Variants in SENP6 observed in about 807,000 individuals in gnomAD.
The protein encoded by SENP6 is SUMO specific peptidase 6, also known as sentrin-specific protease 6.
Under a neutral mutation model 134.5 loss-of-function variants are expected in SENP6, and 41 were observed. That is an observed-to-expected ratio of 0.30 (90% confidence interval 0.24 to 0.40). The LOEUF (loss-of-function observed/expected upper bound fraction) is 0.40, where lower values mean the gene tolerates loss of function less well. Ranked by LOEUF, SENP6 falls within the 10% of genes least tolerant of loss-of-function variation. SENP6 has a pLI of 1.00. For synonymous variants in SENP6, 395 were observed against 429.8 expected (o/e 0.92, Z 1.00); for missense variants, 1,248 against 1,312.5 (o/e 0.95, Z 0.76).
At chr6:75,620,578 T>G (rs1027211115) in intron 1 of SENP6, 2 of 152,216 alleles carry the variant, frequency 1.3e-5, no homozygotes, top group African/African-American at 4.8e-5. Context: ...GCCCCACCTC[T>G]TAATACCATC....
At position 75,711,370 on chromosome 6, in the gene SENP6, A is replaced by G. The variant is rs1234326811; in HGVS notation, c.2863A>G (p.Ser955Gly). ...DDGFLADDNC[S>G]SEIGQWHLKP... ...TGGATTCCTCGCTGATGACAACTGC[A>G]GTTCAGAAATAGGACAGTGGCATTT... is the stretch of plus-strand genomic sequence containing the variant. Residue 955 changes from serine to glycine, a missense_variant, in exon 21 of 24, where the codon AGT (serine) becomes GGT (glycine). This residue lies in a region of SENP6 where 386 missense variants were observed against 395.0 expected (regional missense o/e 0.98). Transcript: ENST00000447266. 1.9e-6 allele frequency: 3 copies of G among 1,613,524 alleles called. No homozygotes were observed. Among genetic ancestry groups the G allele is most frequent in the African/African-American group, 1.3e-5 (1 of 74,944 alleles).
intron 6 of SENP6, among the ~76,000 whole-genome samples, chr6:75,641,833 G>T (rs935788931): frequency 3.9e-5 from 6 of 151,916 alleles, no homozygotes; most frequent in Non-Finnish European, 7.4e-5. Context: ...AAAATAATTG[G>T]CCTGGAGTAG....
At chr6:75,687,771 T>A (rs1246406128) in intron 16 of SENP6, among the ~76,000 whole-genome samples, 1 of 152,162 alleles carries the variant, frequency 6.6e-6, no homozygotes, top group South Asian at 2.1e-4. Context: ...CTCTGGAAGC[T>A]TCGTCCCAGA....
At chr6:75,663,845 C>G (rs1771977105) in intron 9 of SENP6, among the ~76,000 whole-genome samples, 1 of 135,452 alleles carries the variant, frequency 7.4e-6, no homozygotes, top group African/African-American at 2.9e-5. Context: ...CCTAAAATAA[C>G]ATAAAGTATG....
At chr6:75,635,125 A>G in intron 5 of SENP6, 1 of 389,160 alleles carries the variant, frequency 2.6e-6, no homozygotes, top group Non-Finnish European at 4.9e-6. Context: ...TTCAGTTGGT[A>G]GTTTAGCTCT....
chr6:75,664,288 T>C (rs1034798370), intron 9 of SENP6, among the ~76,000 whole-genome samples: 2 of 151,884 alleles, frequency 1.3e-5, no homozygotes, highest in African/African-American at 4.8e-5. Flanking sequence ...ATAATAATTA[T>C]AAACAGAACA....
At chr6:75,662,398 G>A (rs529056069) in intron 8 of SENP6, among the ~76,000 whole-genome samples, 3 of 152,120 alleles carry the variant, frequency 2.0e-5, no homozygotes, top group South Asian at 4.2e-4. Flanking sequence ...GCCTCCCAAT[G>A]TGTTGGGCTT....
intron 8 of SENP6, among the ~76,000 whole-genome samples, chr6:75,662,746 G>C (rs1771884015): frequency 6.6e-6 from 1 of 152,084 alleles, no homozygotes; most frequent in African/African-American, 2.4e-5. Context: ...TTAATAGTAG[G>C]AATGTGTTTT....
intron 16 of SENP6, among the ~76,000 whole-genome samples, chr6:75,694,881 T>G (rs547292473): frequency 6.6e-6 from 1 of 152,178 alleles, no homozygotes; most frequent in South Asian, 2.1e-4. Context: ...TAATTTATTT[T>G]TATTTTCTTG....
At chr6:75,690,349 A>G (rs750992626) in intron 16 of SENP6, among the ~76,000 whole-genome samples, 1 of 152,248 alleles carries the variant, frequency 6.6e-6, no homozygotes, top group Non-Finnish European at 1.5e-5. Context: ...TGCAATATGT[A>G]TACATTTCCT....
intron 1 of SENP6, among the ~76,000 whole-genome samples, chr6:75,618,204 T>C (rs1480254337): frequency 2.0e-5 from 3 of 152,208 alleles, no homozygotes; most frequent in African/African-American, 7.2e-5. Flanking sequence ...GAAGGGAGTA[T>C]ATGCTTATAT....
intron 18 of SENP6, 117 bp downstream of exon 18, chr6:75,697,634 G>A (rs1037768360): frequency 2.9e-6 from 2 of 689,916 alleles, no homozygotes; most frequent in Non-Finnish European, 2.5e-6. Flanking sequence ...AATCTCTTGT[G>A]TATATTCATA....
intron 23 of SENP6, among the ~76,000 whole-genome samples, chr6:75,715,110 T>C (rs1436973846): frequency 6.6e-6 from 1 of 152,118 alleles, no homozygotes; most frequent in Non-Finnish European, 1.5e-5. Context: ...AATGAGTTAG[T>C]GTGGCTGTGT....
At chr6:75,685,422 C>T (rs1773761562) in intron 16 of SENP6, among the ~76,000 whole-genome samples, 1 of 152,058 alleles carries the variant, frequency 6.6e-6, no homozygotes, top group East Asian at 1.9e-4. Context: ...TTGCCTTCTG[C>T]TAGCTTTTGA....
intron 16 of SENP6, among the ~76,000 whole-genome samples, chr6:75,685,592 C>T (rs755615414): frequency 4.3e-4 from 66 of 152,134 alleles, no homozygotes; most frequent in Non-Finnish European, 7.6e-4. Flanking sequence ...GATTCTGGTA[C>T]GTTGTGCCTT....
rs80250938 is a variant in SENP6, at chr6:75,698,407, C to T, written c.2288+890C>T. On this transcript the variant is annotated intron_variant, in intron 18 of 23. Coordinates refer to ENST00000447266, the MANE Select transcript of SENP6 (RefSeq NM_015571.4). ...ATGGCCCTACTTTGTCTCATTCTAT[C>T]ATGGTTGCAGAATATGCTTTCCTGG... Among the ~76,000 whole-genome samples, 21 of 152,304 alleles carry T rather than the reference C, an allele frequency of 1.4e-4. No homozygotes were observed. The East Asian group carries it at 4.1e-3, about 29-fold the overall frequency.
At chr6:75,693,747 T>C (rs1335709428) in intron 16 of SENP6, among the ~76,000 whole-genome samples, 1 of 152,220 alleles carries the variant, frequency 6.6e-6, no homozygotes, top group African/African-American at 2.4e-5. Flanking sequence ...CCAGATGTTT[T>C]AAGCATTTGC....
intron 1 of SENP6, among the ~76,000 whole-genome samples, chr6:75,620,421 G>A (rs1768180602): frequency 6.6e-6 from 1 of 152,078 alleles, no homozygotes; most frequent in African/African-American, 2.4e-5. Context: ...TCAGTATCTG[G>A]TAAGGTCCCA....
intron 1 of SENP6, chr6:75,612,013 T>C (rs566890770): frequency 6.6e-6 from 1 of 152,328 alleles, no homozygotes; most frequent in Non-Finnish European, 1.5e-5. Context: ...AGTAGTGATC[T>C]ATTAGTTTGT....
Sources: gnomAD v4.1 joint callset for allele counts (sites outside exome capture counted in the v4.1 genomes callset) on GRCh38, gnomAD v4.1.1 for gene constraint, gnomAD v4.1.1 regional missense constraint, MANE v1.5 for transcripts, NCBI Gene and HGNC (gene_info 2026-07-23, HGNC 2026-07-21) for gene names.